Variants in ZNF254 observed in about 807,000 individuals in gnomAD.
ZNF254 encodes zinc finger protein 254, also known as CTD-2017D11.1.
In ZNF254, 10 loss-of-function variants were observed where a neutral mutation model predicts 12.4. The observed-to-expected ratio is 0.80, with a 90% CI of 0.50 to 1.36. The LOEUF is 1.36. ZNF254 is among the 40% of genes most tolerant of loss of function. The pLI is 0.00. For synonymous variants in ZNF254, 305 were observed against 253.4 expected, an observed-to-expected ratio of 1.20 and a Z score of -1.93; for missense variants, 996 against 763.9, an observed-to-expected ratio of 1.30 and a Z score of -3.58.
chr19:24,068,644 G>C (rs867147134), intron 2 of ZNF254, among the ~76,000 whole-genome samples: 5 of 152,034 alleles, frequency 3.3e-5, no homozygotes, highest in African/African-American at 1.2e-4. Flanking sequence ...TCCATCCCCA[G>C]CCAAGAACCT....
chr19:24,066,876 G>A (rs542320655), intron 2 of ZNF254: 3 of 151,746 alleles, frequency 2.0e-5, no homozygotes, highest in African/African-American at 7.3e-5. Context: ...CTCCATCCTG[G>A]GCAACAGAGT....
chr19:24,126,405 C>G lies in ZNF254; in HGVS notation c.405C>G (p.Asn135Lys), dbSNP rs144690134. The G allele has an allele frequency of 3.0e-5, 48 of 1,605,764 alleles. No individual in the cohort carries two copies. In the African/African-American group the frequency reaches 5.8e-4, roughly 19 times the overall value. The change falls in exon 4 of 4, where the codon AAC (asparagine) becomes AAG (lysine). Residue 135 changes from asparagine (N) to lysine (K), a missense_variant. Transcript: ENST00000357002. ...GCKSVDEYKV[N>K]KEGYNGLNQC... ...AAAGTGTGGATGAGTATAAGGTGAA[C>G]AAAGAAGGTTATAATGGACTTAACC...
At chr19:24,063,748 CAT>C (rs979458791) in intron 2 of ZNF254, 7 of 151,470 alleles carry the variant, frequency 4.6e-5, no homozygotes, top group Middle Eastern at 3.5e-3. Context: ...GAGATTATGA[CAT>C]GTGATTGTGC....
intron 2 of ZNF254, among the ~76,000 whole-genome samples, chr19:24,063,535 A>G (rs974644694): frequency 7.2e-5 from 11 of 152,164 alleles, no homozygotes; most frequent in Non-Finnish European, 1.3e-4. Flanking sequence ...CTAAACACAT[A>G]GCCTGAGTCC....
At chr19:24,106,446 C>A in intron 2 of ZNF254, 102 bp from the exon 3 acceptor site, 1 of 891,970 alleles carries the variant, frequency 1.1e-6, no homozygotes, top group Non-Finnish European at 1.6e-6. Flanking sequence ...ATTAGAATAA[C>A]TTTGTTAGCA....
At chr19:24,101,120 C>T (rs999507812) in intron 1 of ZNF254, among the ~76,000 whole-genome samples, 4 of 152,204 alleles carry the variant, frequency 2.6e-5, no homozygotes, top group Non-Finnish European at 1.5e-5. Context: ...GCTGGAATTA[C>T]AGGCATGAGC....
intron 1 of ZNF254, among the ~76,000 whole-genome samples, chr19:24,035,417 C>A (rs1405093153): frequency 1.3e-5 from 2 of 152,198 alleles, no homozygotes; most frequent in Non-Finnish European, 2.9e-5. Context: ...CCCTCCTCAG[C>A]CTCCCAAAGT....
chr19:24,072,696 G>A (rs899958031), intron 2 of ZNF254, among the ~76,000 whole-genome samples: 2 of 152,180 alleles, frequency 1.3e-5, no homozygotes, highest in African/African-American at 4.8e-5. Context: ...GTGTACCCAG[G>A]TCTTACCTGC....
intron 1 of ZNF254, among the ~76,000 whole-genome samples, chr19:24,091,552 G>T (rs1251504474): frequency 6.6e-6 from 1 of 152,088 alleles, no homozygotes; most frequent in East Asian, 1.9e-4. Flanking sequence ...GAGTGCAATG[G>T]TGCAATCTTA....
At position 24,126,387 on chromosome 19, in the gene ZNF254, G is replaced by A. The variant is rs1290955768; in HGVS notation, c.387G>A (p.Val129=). ...AGTTAAGAAAAGGCTGTAAAAGTGTGGATGAGTATAAGGTGAACAAAGAAG... is the reference window on the plus strand; with the variant it reads ...AGTTAAGAAAAGGCTGTAAAAGTGTAGATGAGTATAAGGTGAACAAAGAAG... ...NLQLRKGCKS[V]DEYKVNKEGY... Residue 129 remains valine (V), a synonymous_variant, in exon 4 of 4, where the codon GTG becomes GTA. Coordinates refer to ENST00000357002, the MANE Select transcript of ZNF254 (RefSeq NM_203282.4). The A allele has an allele frequency of 6.2e-7, 1 of 1,610,436 alleles. No homozygotes were observed. Among genetic ancestry groups the A allele is most frequent in the Non-Finnish European group, 8.5e-7 (1 of 1,178,686 alleles).
chr19:24,088,173 G>A (rs763027601), intron 1 of ZNF254, among the ~76,000 whole-genome samples: 9 of 152,062 alleles, frequency 5.9e-5, no homozygotes, highest in Non-Finnish European at 1.3e-4. Context: ...CTCCGAAAGT[G>A]CTAGGATTAC....
rs761817118 is a variant in ZNF254, at chr19:24,105,991, C to T, written c.82C>T (p.Gln28Ter). 7 of 1,600,250 alleles carry T rather than the reference C, an allele frequency of 4.4e-6. No homozygotes were observed. The highest frequency in any genetic ancestry group is 5.1e-6 in the Non-Finnish European group (6 of 1,171,660). The part of the protein sequence containing the change: ...VAIEFSLEEW[Q>*]HLDIAQQNLY... ...CATAGAATTCTCTCTGGAGGAGTGG[C>T]AACACCTGGACATTGCACAGCAGAA... Residue 28 changes from glutamine to a stop codon, truncating the protein, a stop_gained, in exon 2 of 4, where the codon CAA becomes TAA. Coordinates refer to ENST00000357002, the MANE Select transcript of ZNF254 (RefSeq NM_203282.4). LOFTEE classifies it high-confidence loss of function.
At chr19:24,042,401 C>T (rs183372211) in intron 1 of ZNF254, among the ~76,000 whole-genome samples, 2 of 152,154 alleles carry the variant, frequency 1.3e-5, no homozygotes, top group South Asian at 4.1e-4. Flanking sequence ...CGCTCAGGTC[C>T]CCTTCCACAC....
At chr19:24,068,289 C>T (rs1037744415) in intron 2 of ZNF254, among the ~76,000 whole-genome samples, 1 of 151,602 alleles carries the variant, frequency 6.6e-6, no homozygotes, top group Non-Finnish European at 1.5e-5. Flanking sequence ...TGACTTGTGG[C>T]CTGTGCCTAT....
At position 24,127,409 on chromosome 19, in the gene ZNF254, C is replaced by T; in HGVS notation, c.1409C>T (p.Ala470Val). 3.7e-6 allele frequency: 6 copies of T among 1,612,304 alleles called. No individual in the cohort carries two copies. The highest frequency in any genetic ancestry group is 5.1e-6 in the Non-Finnish European group (6 of 1,178,842). Residue 470 changes from alanine (A) to valine (V), a missense_variant, in exon 4 of 4, where the codon GCA becomes GTA. Transcript: ENST00000357002. ...TACAAATGTGAAGAATGTGGCAAGGCATTTATATGGTCCTCAACCCTAACT... is the reference window on the plus strand; with the variant it reads ...TACAAATGTGAAGAATGTGGCAAGGTATTTATATGGTCCTCAACCCTAACT... ...KPYKCEECGK[A>V]FIWSSTLTRH... is the part of the protein sequence containing the mutation.
At position 24,127,332 on chromosome 19, in the gene ZNF254, C is replaced by A. The variant is rs776337445; in HGVS notation, c.1332C>A (p.Ile444=). The A allele has an allele frequency of 2.7e-5, 43 of 1,613,154 alleles. No homozygotes were observed. Among genetic ancestry groups the A allele is most frequent in the Non-Finnish European group, 3.6e-5 (43 of 1,179,726 alleles). The part of the protein sequence containing the change: ...YKCEECGKAF[I]WSSTLTKHKR... Reference sequence around the variant, plus strand: ...GTGAAGAATGTGGCAAAGCATTTATCTGGTCCTCAACCCTTACTAAACATA... The same window carrying A: ...GTGAAGAATGTGGCAAAGCATTTATATGGTCCTCAACCCTTACTAAACATA... The change falls in exon 4 of 4, where the codon ATC becomes ATA. Residue 444 remains isoleucine, a synonymous_variant. Transcript: ENST00000357002.
chr19:24,044,691 T>C (rs1190190730), intron 1 of ZNF254, among the ~76,000 whole-genome samples: 1 of 152,212 alleles, frequency 6.6e-6, no homozygotes, highest in Non-Finnish European at 1.5e-5. Context: ...TTCGAAATAT[T>C]ACTGTGTTTA....
At chr19:24,096,987 G>C (rs1291587546) in intron 1 of ZNF254, among the ~76,000 whole-genome samples, 2 of 152,160 alleles carry the variant, frequency 1.3e-5, no homozygotes, top group Non-Finnish European at 2.9e-5. Flanking sequence ...TTAAAAATAA[G>C]AGGCTTGGTC....
intron 1 of ZNF254, among the ~76,000 whole-genome samples, chr19:24,097,297 T>G (rs996713028): frequency 1.3e-5 from 2 of 152,138 alleles, no homozygotes; most frequent in African/African-American, 4.8e-5. Context: ...TAGACAAAAT[T>G]TAGCAGTACA....
Sources: gnomAD v4.1 joint callset for allele counts (sites outside exome capture counted in the v4.1 genomes callset) on GRCh38, gnomAD v4.1.1 for gene constraint, MANE v1.5 for transcripts, NCBI Gene and HGNC (gene_info 2026-07-23, HGNC 2026-07-21) for gene names.